PTPN4: variants seen among roughly 807,000 people sequenced by gnomAD.
PTPN4 encodes protein tyrosine phosphatase non-receptor type 4.
PTPN4 carries 49 observed loss-of-function variants against 135.5 expected under a neutral mutation model. The ratio of observed to expected loss-of-function variants is 0.36; its 90% CI spans 0.29 to 0.46. The LOEUF is 0.46. PTPN4 is among the 20% of genes least tolerant of loss of function. The probability of loss-of-function intolerance (pLI) is 1.00; values close to 1 mark genes in which losing one functional copy is unlikely to be tolerated. For missense variants in PTPN4, 860 were observed against 1,101.0 expected (o/e 0.78, Z 3.10); for synonymous variants, 333 against 369.9 (o/e 0.90, Z 1.14).
intron 9 of PTPN4, among the ~76,000 whole-genome samples, chr2:119,889,034 A>G (rs1016021836): frequency 5.9e-5 from 9 of 151,886 alleles, no homozygotes; most frequent in African/African-American, 1.9e-4. Context: ...CAGGTTTTCT[A>G]TTTCTTCTTG....
intron 9 of PTPN4, among the ~76,000 whole-genome samples, chr2:119,888,424 A>G (rs1678191387): frequency 6.6e-6 from 1 of 152,014 alleles, no homozygotes; most frequent in East Asian, 1.9e-4. Context: ...GTCTTTTTCC[A>G]GTTCTTAGGG....
intron 1 of PTPN4, among the ~76,000 whole-genome samples, chr2:119,808,819 T>C (rs932805429): frequency 6.6e-6 from 1 of 152,218 alleles, no homozygotes; most frequent in Non-Finnish European, 1.5e-5. Context: ...TATATAACAA[T>C]GACTTTTACT....
At chr2:119,788,391 T>G (rs969690774) in intron 1 of PTPN4, among the ~76,000 whole-genome samples, 10 of 152,192 alleles carry the variant, frequency 6.6e-5, no homozygotes, top group Admixed American at 3.9e-4. Context: ...CTTAGATCAC[T>G]TCATAAAATG....
intron 5 of PTPN4, 148 bp downstream of exon 5, chr2:119,877,690 C>T (rs1029521147): frequency 2.3e-5 from 27 of 1,156,090 alleles, no homozygotes; most frequent in Non-Finnish European, 3.0e-5. Context: ...TCCAAGATAA[C>T]GTTTTCCTCC....
At chr2:119,922,222 A>T (rs1198751621) in intron 12 of PTPN4, among the ~76,000 whole-genome samples, 1 of 115,414 alleles carries the variant, frequency 8.7e-6, no homozygotes, top group African/African-American at 6.0e-5. Flanking sequence ...CTGATTTAAA[A>T]AAAAAAAAAA....
chr2:119,967,638 G>A (rs1679464899), intron 25 of PTPN4, among the ~76,000 whole-genome samples, 199 bp from the exon 26 acceptor site: 1 of 152,106 alleles, frequency 6.6e-6, no homozygotes, highest in African/African-American at 2.4e-5. Flanking sequence ...GTGGTAGATG[G>A]AAGATACAGA....
chr2:119,843,281 T>C (rs1677410863), intron 2 of PTPN4, among the ~76,000 whole-genome samples: 1 of 139,190 alleles, frequency 7.2e-6, no homozygotes, highest in Non-Finnish European at 1.5e-5. Flanking sequence ...ACACAGCACA[T>C]GTTTCAGAGA....
intron 3 of PTPN4, among the ~76,000 whole-genome samples, chr2:119,866,832 T>G (rs1677840960): frequency 6.6e-6 from 1 of 152,190 alleles, no homozygotes; most frequent in South Asian, 2.1e-4. Context: ...TATGTTTCAC[T>G]ATTTCTCTCT....
chr2:119,828,480 C>T (rs1287285167), intron 2 of PTPN4, among the ~76,000 whole-genome samples: 1 of 152,198 alleles, frequency 6.6e-6, no homozygotes, highest in Non-Finnish European at 1.5e-5. Flanking sequence ...TTGATTTGTA[C>T]ACTTTGGGGC....
intron 2 of PTPN4, among the ~76,000 whole-genome samples, chr2:119,817,896 C>T (rs1677012540): frequency 1.3e-5 from 2 of 151,948 alleles, no homozygotes; most frequent in Non-Finnish European, 2.9e-5. Flanking sequence ...TAGTTGTGTT[C>T]CTAGACATTT....
chr2:119,794,020 T>A (rs1241937277), intron 1 of PTPN4, among the ~76,000 whole-genome samples: 4 of 151,774 alleles, frequency 2.6e-5, no homozygotes, highest in African/African-American at 9.7e-5. Context: ...ATTTTTGTTT[T>A]TTGTTTTTGT....
chr2:119,850,927 C>T (rs1367528783), intron 2 of PTPN4, among the ~76,000 whole-genome samples: 2 of 152,122 alleles, frequency 1.3e-5, no homozygotes, highest in Non-Finnish European at 2.9e-5. Flanking sequence ...TTGCTCAGTT[C>T]CCTTGCTACT....
In PTPN4 at chr2:119,978,758, G is replaced by C. The variant is rs527781789; in HGVS notation, c.*1688G>C. 3 of 152,202 alleles carry C rather than the reference G, an allele frequency of 2.0e-5. No individual in the cohort carries two copies. The East Asian group carries it at 5.8e-4, about 29-fold the overall frequency. 9.4% of individuals were successfully genotyped at this position (152,202 alleles called of 1,614,324 possible). ...TTCTGTAAGATCTTGATAAAGTTTA[G>C]AGTCAAATGGCAGATATTTTGGAAA... On this transcript the variant is annotated 3_prime_UTR_variant, in exon 27 of 27. Transcript: ENST00000263708.
At position 119,822,355 on chromosome 2, in the gene PTPN4, TC is replaced by T. The variant is rs772960066; in HGVS notation, c.138+12373del. 7.6e-3 allele frequency among the ~76,000 whole-genome samples: 858 copies of T among 112,554 alleles called. 5 individuals are homozygous for T. The highest frequency in any genetic ancestry group is 0.023 in the African/African-American group (725 of 31,996). The allele number at this position is 112,554 out of a possible 152,430, so 73.8% of individuals were successfully genotyped here. ...TCTTCCAAAGTGTATTAGTATCCCC[TC>T]CCCCCCCCTTTTTTTTTTTTGAGAT... On this transcript the variant is annotated intron_variant, in intron 2 of 26. Transcript: ENST00000263708.
chr2:119,773,673 T>C (rs1383749570), intron 1 of PTPN4, among the ~76,000 whole-genome samples: 1 of 150,496 alleles, frequency 6.6e-6, no homozygotes, highest in African/African-American at 2.4e-5. Context: ...GAGGCAGAGG[T>C]TGCAGTGAGC....
chr2:119,795,474 G>T (rs560845511), intron 1 of PTPN4, among the ~76,000 whole-genome samples: 3 of 152,352 alleles, frequency 2.0e-5, no homozygotes, highest in East Asian at 3.9e-4. Flanking sequence ...TCCAGAGGGG[G>T]CCAAGGTGGC....
At chr2:119,791,521 A>C (rs1691148307) in intron 1 of PTPN4, among the ~76,000 whole-genome samples, 1 of 152,292 alleles carries the variant, frequency 6.6e-6, no homozygotes, top group South Asian at 2.1e-4. Context: ...GGAATATTTA[A>C]AATTATTCCT....
chr2:119,892,233 T>G (rs773588196), intron 9 of PTPN4, among the ~76,000 whole-genome samples: 2 of 152,172 alleles, frequency 1.3e-5, no homozygotes, highest in Non-Finnish European at 2.9e-5. Context: ...GGAGGAATGT[T>G]TATTAACTGG....
intron 2 of PTPN4, 31 bp downstream of exon 2, chr2:119,810,022 C>A: frequency 5.1e-6 from 8 of 1,579,510 alleles, no homozygotes; most frequent in Non-Finnish European, 6.9e-6. Flanking sequence ...AAAAAATAAT[C>A]TCTGGCTATA....
Sources: allele counts gnomAD v4.1 joint callset (sites outside exome capture counted in the v4.1 genomes callset), GRCh38; gene constraint gnomAD v4.1.1; transcripts MANE v1.5; gene names NCBI Gene and HGNC (gene_info 2026-07-23, HGNC 2026-07-21).